COL25A1: variants seen among roughly 807,000 people sequenced by gnomAD.
COL25A1 encodes the protein collagen alpha-1(XXV) chain.
In COL25A1, 103 loss-of-function variants were observed where a neutral mutation model predicts 128.4. That is an observed-to-expected ratio of 0.80 (90% CI 0.68 to 0.94). The LOEUF (loss-of-function observed/expected upper bound fraction) is 0.94, where lower values mean the gene tolerates loss of function less well. Ranked by LOEUF, COL25A1 falls within the 40% of genes least tolerant of loss-of-function variation. The pLI is 0.00. For missense variants in COL25A1, 745 were observed against 840.0 expected (o/e 0.89, Z 1.40); for synonymous variants, 279 against 277.2 (o/e 1.01, Z -0.06).
At chr4:108,862,164 GAC>G (rs753168096) in intron 22 of COL25A1, among the ~76,000 whole-genome samples, 32 of 152,220 alleles carry the variant, frequency 2.1e-4, no homozygotes, top group Middle Eastern at 6.8e-3. Context: ...TTATCACAAA[GAC>G]AGCGAGGAAA....
intron 35 of COL25A1, among the ~76,000 whole-genome samples, chr4:108,822,791 G>A (rs145354631): frequency 1.1e-3 from 163 of 152,208 alleles, no homozygotes; most frequent in Middle Eastern, 6.8e-3. Context: ...ATCTCAAAAC[G>A]TATGTATTTT....
chr4:109,110,539 T>C (rs2126037630), intron 3 of COL25A1, among the ~76,000 whole-genome samples: 1 of 152,274 alleles, frequency 6.6e-6, no homozygotes, highest in South Asian at 2.1e-4. Context: ...TGAGCTCTCA[T>C]ATCACTCCTG....
At chr4:108,952,658 G>C (rs1431170797) in intron 8 of COL25A1, among the ~76,000 whole-genome samples, 1 of 152,066 alleles carries the variant, frequency 6.6e-6, no homozygotes, top group Non-Finnish European at 1.5e-5. Context: ...GAGGTTGCCA[G>C]GTCAAGGACT....
rs199876449 is a variant in COL25A1 at position 108,863,380 on chromosome 4, C to T, written c.1091G>A (p.Arg364Gln). 95 of 1,613,576 alleles carry T rather than the reference C, an allele frequency of 5.9e-5. No homozygotes were observed. In the East Asian group the frequency reaches 1.1e-3, roughly 19 times the overall value. Reference sequence around the variant, plus strand: ...TCTTCCAGGAGGCCCTGCTTCCCCCCGTTCACCCTGTCACAAATTGCAAAA... The same window carrying T: ...TCTTCCAGGAGGCCCTGCTTCCCCCTGTTCACCCTGTCACAAATTGCAAAA... ...LPGLPGTKGE[R>Q]GEAGPPGRGE... Residue 364 changes from arginine to glutamine, a missense_variant, in exon 21 of 38, where the codon CGG becomes CAG. Transcript: ENST00000399132.
intron 3 of COL25A1, among the ~76,000 whole-genome samples, chr4:109,198,199 G>C (rs1578416411): frequency 6.6e-6 from 1 of 151,940 alleles, no homozygotes; most frequent in Admixed American, 6.6e-5. Context: ...ACACAAGACA[G>C]GCCAGGAGGG....
At chr4:109,276,092 T>C (rs1722809422) in intron 3 of COL25A1, among the ~76,000 whole-genome samples, 1 of 152,206 alleles carries the variant, frequency 6.6e-6, no homozygotes, top group Non-Finnish European at 1.5e-5. Context: ...TCTTACTGGA[T>C]GATAAACCCT....
chr4:109,048,269 C>T, intron 4 of COL25A1, 94 bp from the exon 5 acceptor site: 1 of 1,211,042 alleles, frequency 8.3e-7, no homozygotes. Context: ...GCATAATCAT[C>T]AGCATGACAT....
In COL25A1 at chr4:108,835,715, C is replaced by T. The variant is rs148889444; in HGVS notation, c.1657-3282G>A. Among the ~76,000 whole-genome samples the T allele has an allele frequency of 9.2e-3, 1,381 of 150,252 alleles. 28 individuals carry two copies. The highest frequency in any genetic ancestry group is 0.032 in the African/African-American group (1,301 of 40,858). ...GATTACAGGCATGCGCCATCGCACC[C>T]GGCTAATTTTTGTTTTTAGTAGAGA... On this transcript the variant is annotated intron_variant, in intron 31 of 37. Transcript: ENST00000399132.
intron 3 of COL25A1, among the ~76,000 whole-genome samples, chr4:109,092,722 T>G (rs533272462): frequency 6.6e-6 from 1 of 152,220 alleles, no homozygotes. Context: ...CAAGTGACAA[T>G]GTCTACAAGA....
intron 6 of COL25A1, among the ~76,000 whole-genome samples, chr4:108,986,014 C>G (rs193021295): frequency 2.6e-5 from 4 of 152,274 alleles, no homozygotes; most frequent in African/African-American, 9.6e-5. Flanking sequence ...CTCCTCCAAG[C>G]CTAAAAGCTG....
At chr4:108,824,340 G>T (rs1248024853) in intron 34 of COL25A1, 113 bp from the exon 35 acceptor site, 1 of 727,954 alleles carries the variant, frequency 1.4e-6, no homozygotes, top group South Asian at 1.8e-5. Flanking sequence ...ACAAGAAATG[G>T]CTCACCAGTG....
intron 5 of COL25A1, among the ~76,000 whole-genome samples, chr4:109,017,801 C>T (rs1757355641): frequency 1.3e-5 from 2 of 152,152 alleles, no homozygotes; most frequent in South Asian, 2.1e-4. Context: ...GTTCATGCAA[C>T]TCTAAAAGGT....
intron 3 of COL25A1, among the ~76,000 whole-genome samples, chr4:109,079,252 CCAGA>C (rs1365357448): frequency 6.6e-6 from 1 of 152,142 alleles, no homozygotes; most frequent in Non-Finnish European, 1.5e-5. Flanking sequence ...TTTTCAGTGT[CCAGA>C]CAGATTTCCA....
intron 3 of COL25A1, among the ~76,000 whole-genome samples, chr4:109,156,275 T>A (rs928338714): frequency 6.6e-6 from 1 of 152,228 alleles, no homozygotes; most frequent in Non-Finnish European, 1.5e-5. Flanking sequence ...AAAGACCTTT[T>A]AGACCCAGGT....
intron 12 of COL25A1, among the ~76,000 whole-genome samples, chr4:108,918,501 G>A (rs1745126167): frequency 6.6e-6 from 1 of 152,160 alleles, no homozygotes; most frequent in Non-Finnish European, 1.5e-5. Context: ...GGGCCACATG[G>A]CTCTAAATTT....
chr4:109,180,304 G>C lies in COL25A1; in HGVS notation c.367+120279C>G, dbSNP rs568817475. Among the ~76,000 whole-genome samples, 4 of 152,254 alleles carry C rather than the reference G, an allele frequency of 2.6e-5. No individual in the cohort carries two copies. The South Asian group carries it at 8.3e-4, about 32-fold the overall frequency. ...GAAATAATTTTGACTCTGAAGTGCAGATAACAAGTTAAATGCATAAAAATT... is the reference window on the plus strand; with the variant it reads ...GAAATAATTTTGACTCTGAAGTGCACATAACAAGTTAAATGCATAAAAATT... On this transcript the variant is annotated intron_variant, in intron 3 of 37. Coordinates refer to ENST00000399132, the MANE Select transcript of COL25A1 (RefSeq NM_198721.4).
intron 6 of COL25A1, among the ~76,000 whole-genome samples, chr4:108,984,179 A>G (rs1225844719): frequency 6.6e-6 from 1 of 152,170 alleles, no homozygotes; most frequent in Non-Finnish European, 1.5e-5. Flanking sequence ...TGGTGCATTC[A>G]CAAACCCTGA....
At chr4:109,197,990 T>C (rs137982579) in intron 3 of COL25A1, among the ~76,000 whole-genome samples, 117 of 152,304 alleles carry the variant, frequency 7.7e-4, no homozygotes, top group African/African-American at 2.4e-3. Flanking sequence ...TCAAAACATA[T>C]ATCAAACAAG....
intron 3 of COL25A1, among the ~76,000 whole-genome samples, chr4:109,097,285 CT>C (rs1273539112): frequency 6.6e-6 from 1 of 152,088 alleles, no homozygotes; most frequent in Non-Finnish European, 1.5e-5. Flanking sequence ...TTGTTTAACA[CT>C]TACAAGTGAG....
Sources: gnomAD v4.1 joint callset for allele counts (sites outside exome capture counted in the v4.1 genomes callset) on GRCh38, gnomAD v4.1.1 for gene constraint, MANE v1.5 for transcripts, NCBI Gene and HGNC (gene_info 2026-07-23, HGNC 2026-07-21) for gene names.